PSD2: variants seen among roughly 807,000 people sequenced by gnomAD.
The protein encoded by PSD2 is PH and SEC7 domain-containing protein 2.
In PSD2, 38 loss-of-function variants were observed where a neutral mutation model predicts 69.8. The observed-to-expected ratio is 0.54, with a 90% CI of 0.42 to 0.71. The LOEUF is 0.71. Ranked by LOEUF, PSD2 falls within the 30% of genes least tolerant of loss-of-function variation. The pLI is 0.00. For missense variants in PSD2, 943 were observed against 1,014.5 expected (o/e 0.93, Z 0.96); for synonymous variants, 412 against 423.0 (o/e 0.97, Z 0.32).
intron 14 of PSD2, among the ~76,000 whole-genome samples, chr5:139,841,404 T>A (rs1760866556): frequency 6.6e-6 from 1 of 152,234 alleles, no homozygotes; most frequent in African/African-American, 2.4e-5. Flanking sequence ...ATTTTGTTTA[T>A]CCGTTTATCC....
upstream of PSD2, among the ~76,000 whole-genome samples, chr5:139,791,435 A>T (rs1402176374): frequency 6.6e-6 from 1 of 152,140 alleles, no homozygotes; most frequent in East Asian, 1.9e-4. Context: ...GAAAAACAAA[A>T]AACAAAACAA....
chr5:139,766,924 C>CTTT, the PSD2 span, among the ~76,000 whole-genome samples: 52 of 33,138 alleles, frequency 1.6e-3, 2 homozygotes, highest in African/African-American at 3.3e-3. Flanking sequence ...TTCCTTCCTT[C>CTTT]CTTCCCTTCT....
chr5:139,826,480 G>A (rs890983191), intron 7 of PSD2, among the ~76,000 whole-genome samples: 1 of 152,184 alleles, frequency 6.6e-6, no homozygotes, highest in Non-Finnish European at 1.5e-5. Flanking sequence ...CATCTCCCAC[G>A]TTCATAAGAA....
chr5:139,827,044 A>G (rs1035433255), intron 7 of PSD2, among the ~76,000 whole-genome samples: 1 of 152,234 alleles, frequency 6.6e-6, no homozygotes, highest in African/African-American at 2.4e-5. Flanking sequence ...GGCCCAGAGA[A>G]TACCATGGGA....
the PSD2 span, chr5:139,743,813 C>T: frequency 1.3e-5 from 2 of 152,338 alleles, no homozygotes; most frequent in Non-Finnish European, 2.9e-5. Flanking sequence ...GCTGACAGAA[C>T]ATCAGAGCCC....
At chr5:139,809,266 A>C in intron 1 of PSD2, 125 bp from the exon 2 acceptor site, 1 of 728,560 alleles carries the variant, frequency 1.4e-6, no homozygotes, top group Non-Finnish European at 2.2e-6. Flanking sequence ...AAGGGCCCCG[A>C]GGAGGTCATC....
chr5:139,833,286 T>G (rs1412215504), intron 7 of PSD2, among the ~76,000 whole-genome samples: 1 of 152,114 alleles, frequency 6.6e-6, no homozygotes, highest in African/African-American at 2.4e-5. Context: ...ATCGTGGGCA[T>G]GTCACTTCAC....
the PSD2 span, among the ~76,000 whole-genome samples, chr5:139,763,523 A>T: frequency 6.6e-6 from 1 of 152,114 alleles, no homozygotes; most frequent in African/African-American, 2.4e-5. Context: ...CCTTGCTGGG[A>T]TGATGACCAT....
chr5:139,826,784 C>A (rs1199194875), intron 7 of PSD2, among the ~76,000 whole-genome samples: 1 of 152,166 alleles, frequency 6.6e-6, no homozygotes, highest in Non-Finnish European at 1.5e-5. Context: ...GATCTAATTT[C>A]TTGTCATTTT....
chr5:139,830,592 T>TTCTTTCTTTCTTTCTCTTTC (rs779474791), intron 7 of PSD2, among the ~76,000 whole-genome samples: 2 of 85,980 alleles, frequency 2.3e-5, no homozygotes, highest in Admixed American at 1.1e-4. Flanking sequence ...CTTTCTTTCT[T>TTCTTTCTTTCTTTCTCTTTC]TTTCTTTCTT....
chr5:139,829,845 A>C (rs1400091022), intron 7 of PSD2, among the ~76,000 whole-genome samples: 2 of 152,142 alleles, frequency 1.3e-5, no homozygotes, highest in Non-Finnish European at 2.9e-5. Flanking sequence ...TTGGGGGTAT[A>C]TACCTAGGAT....
intron 2 of PSD2, among the ~76,000 whole-genome samples, chr5:139,810,396 AT>A (rs1465712330): frequency 2.0e-5 from 3 of 152,176 alleles, no homozygotes; most frequent in Non-Finnish European, 4.4e-5. Flanking sequence ...GGACAGAGAA[AT>A]GTCTAGAAGG....
At chr5:139,778,812 G>T in the PSD2 span, among the ~76,000 whole-genome samples, 6 of 151,734 alleles carry the variant, frequency 4.0e-5, no homozygotes, top group Non-Finnish European at 8.8e-5. Flanking sequence ...GCCTATAGTC[G>T]CAGCTACTCA....
At chr5:139,805,031 A>G (rs938501348) in intron 1 of PSD2, among the ~76,000 whole-genome samples, 6 of 146,908 alleles carry the variant, frequency 4.1e-5, no homozygotes, top group African/African-American at 1.0e-4. Context: ...GTGTGTGTGT[A>G]TTGTGCATGT....
chr5:139,825,048 T>C (rs1045590073), intron 7 of PSD2, among the ~76,000 whole-genome samples: 1 of 152,080 alleles, frequency 6.6e-6, no homozygotes, highest in Admixed American at 6.6e-5. Context: ...ACCCTTGAGG[T>C]TGGAGGCTCA....
At position 139,813,437 on chromosome 5, in the gene PSD2, C is replaced by A; in HGVS notation, c.500C>A (p.Thr167Lys). 6.2e-7 allele frequency: 1 copy of A among 1,614,026 alleles called. No individual in the cohort carries two copies. The highest frequency in any genetic ancestry group is 8.5e-7 in the Non-Finnish European group (1 of 1,179,886). Residue 167 changes from threonine to lysine, a missense_variant, in exon 3 of 15, where the codon ACG becomes AAG. By Grantham distance (78) the Thr-to-Lys change is moderately conservative. This residue lies in a region of PSD2 where 466 missense variants were observed against 445.0 expected (regional missense o/e 1.05). Coordinates refer to ENST00000274710, the MANE Select transcript of PSD2 (RefSeq NM_032289.4). ...SLDSLDGLSL[T>K]DESDSCVSFE... ...GACTCCCTAGACGGGCTGAGCCTCA[C>A]GGATGAGAGCGACAGCTGCGTCAGC...
At chr5:139,803,458 C>T (rs576296817) in intron 1 of PSD2, among the ~76,000 whole-genome samples, 1 of 152,348 alleles carries the variant, frequency 6.6e-6, no homozygotes, top group East Asian at 1.9e-4. Context: ...GCACTGAACA[C>T]ATGCCATCTC....
chr5:139,776,923 G>C, the PSD2 span, among the ~76,000 whole-genome samples: 1 of 152,206 alleles, frequency 6.6e-6, no homozygotes, highest in Non-Finnish European at 1.5e-5. Context: ...TATGTGATGG[G>C]GAGATAGCTG....
At chr5:139,771,545 A>T in the PSD2 span, among the ~76,000 whole-genome samples, 1 of 152,010 alleles carries the variant, frequency 6.6e-6, no homozygotes, top group Non-Finnish European at 1.5e-5. Context: ...CGCCCGGCTA[A>T]TTTTTTGTAT....
Sources: gnomAD v4.1 joint callset for allele counts (sites outside exome capture counted in the v4.1 genomes callset) on GRCh38, gnomAD v4.1.1 for gene constraint, gnomAD v4.1.1 regional missense constraint, MANE v1.5 for transcripts, NCBI Gene and HGNC (gene_info 2026-07-23, HGNC 2026-07-21) for gene names.